EHMT1: variants seen among roughly 807,000 people sequenced by gnomAD.
EHMT1 encodes the protein histone-lysine N-methyltransferase EHMT1.
In EHMT1, 15 loss-of-function variants were observed where a neutral mutation model predicts 147.2. That is an observed-to-expected ratio of 0.10 (90% CI 0.07 to 0.16). The LOEUF is 0.16. EHMT1 is among the 10% of genes least tolerant of loss of function. EHMT1 has a pLI of 1.00. For missense variants in EHMT1, 1,587 were observed against 1,772.4 expected (o/e 0.90, Z 1.88); for synonymous variants, 795 against 709.6 (o/e 1.12, Z -1.91).
intron 10 of EHMT1, among the ~76,000 whole-genome samples, chr9:137,766,540 G>A (rs887963028): frequency 5.3e-5 from 8 of 152,214 alleles, no homozygotes; most frequent in African/African-American, 9.7e-5. Flanking sequence ...GCTTGAGCCT[G>A]GGAGGCGACG....
chr9:137,668,307 C>T (rs899360873), intron 1 of EHMT1, among the ~76,000 whole-genome samples: 11 of 151,928 alleles, frequency 7.2e-5, no homozygotes, highest in African/African-American at 2.4e-4. Flanking sequence ...TCTCCTTCCT[C>T]TCCCTTCTAT....
chr9:137,716,463 GGGA>G (rs1945287054), intron 2 of EHMT1, among the ~76,000 whole-genome samples, 160 bp from the exon 3 acceptor site: 1 of 69,448 alleles, frequency 1.4e-5, no homozygotes. Context: ...GTCATGGTGG[GGGA>G]GGAAGTTGTG....
At chr9:137,690,779 C>T (rs1451800419) in intron 1 of EHMT1, among the ~76,000 whole-genome samples, 1 of 152,122 alleles carries the variant, frequency 6.6e-6, no homozygotes, top group Non-Finnish European at 1.5e-5. Flanking sequence ...GTGATCATCA[C>T]TTGTGTATGT....
chr9:137,781,398 GGATGTGTGGTGATGATGCTGA>G (rs1564749676), intron 14 of EHMT1, among the ~76,000 whole-genome samples: 19 of 142,426 alleles, frequency 1.3e-4, no homozygotes, highest in African/African-American at 2.7e-4. Context: ...GATGACGCTG[GGATGTGTGGTGATGATGCTGA>G]GATGTGTGGT....
chr9:137,658,439 C>T (rs1420649821), intron 1 of EHMT1, among the ~76,000 whole-genome samples: 1 of 152,166 alleles, frequency 6.6e-6, no homozygotes, highest in East Asian at 1.9e-4. Context: ...GCGTGAGCCA[C>T]CGCACCCAGC....
At position 137,790,889 on chromosome 9, in the gene EHMT1, C is replaced by G. The variant is rs894182725; in HGVS notation, c.2424C>G (p.Thr808=). 8 of 1,613,994 alleles carry G rather than the reference C, an allele frequency of 5.0e-6. No individual in the cohort carries two copies. The highest frequency in any genetic ancestry group is 5.9e-6 in the Non-Finnish European group (7 of 1,180,040). The part of the protein sequence containing the change: ...NIDTCSEDQR[T]PLMEAAENNH... ...ACACCTGCTCAGAAGACCAGAGGACCCCGTTGATGGAAGCAGCCGAAAACA... is the reference window on the plus strand; with the variant it reads ...ACACCTGCTCAGAAGACCAGAGGACGCCGTTGATGGAAGCAGCCGAAAACA... Residue 808 remains threonine, a synonymous_variant, in exon 16 of 27, where the codon ACC becomes ACG. Transcript: ENST00000460843.
rs1478042601 is a variant in EHMT1, at chr9:137,732,199, TG to T, written c.823+3671del. On this transcript the variant is annotated intron_variant, in intron 4 of 26. Coordinates refer to ENST00000460843, the MANE Select transcript of EHMT1 (RefSeq NM_024757.5). This position sits in a 1 kb window ranked among gnomAD's most constrained non-coding sequence, Gnocchi z 4.6. Reference sequence around the variant, plus strand: ...CCAGCGGAGGGCAGGAGGGCTACAGTGTTACAGCTCTGGCTTGAGGAATCCC... The same window carrying T: ...CCAGCGGAGGGCAGGAGGGCTACAGTTTACAGCTCTGGCTTGAGGAATCCC... Among the ~76,000 whole-genome samples the T allele has an allele frequency of 5.3e-5, 8 of 152,160 alleles. No homozygotes were observed. Among genetic ancestry groups the T allele is most frequent in the African/African-American group, 1.9e-4 (8 of 41,452 alleles).
rs767806360 is a variant in EHMT1 at position 137,777,897 on chromosome 9, A to G, written c.2034A>G (p.Pro678=). 1 of 1,612,214 alleles carries G rather than the reference A, an allele frequency of 6.2e-7. No homozygotes were observed. The highest frequency in any genetic ancestry group is 1.7e-5 in the Admixed American group (1 of 59,910). Reference sequence around the variant, plus strand: ...TCCCCTGAAGTGCTGCCGGGCCACCACTCTCGGAGGACGACAAGCTGCAGG... The same window carrying G: ...TCCCCTGAAGTGCTGCCGGGCCACCGCTCTCGGAGGACGACAAGCTGCAGG... The part of the protein sequence containing the change: ...DTTTGSAAGP[P]LSEDDKLQGA... The change falls in exon 13 of 27, where the codon CCA becomes CCG. Residue 678 remains proline (P), a synonymous_variant. Transcript: ENST00000460843.
intron 19 of EHMT1, among the ~76,000 whole-genome samples, chr9:137,811,865 C>T (rs1954515184): frequency 6.6e-6 from 1 of 152,214 alleles, no homozygotes; most frequent in Admixed American, 6.5e-5. Flanking sequence ...GTTGGAGTCT[C>T]AGACCTGATA....
chr9:137,732,879 T>A lies in EHMT1; in HGVS notation c.823+4350T>A, dbSNP rs1014173827. Among the ~76,000 whole-genome samples the A allele has an allele frequency of 1.3e-5, 2 of 152,198 alleles. 1 individual carries two copies. The highest frequency in any genetic ancestry group is 4.1e-4 in the South Asian group (2 of 4,824). On this transcript the variant is annotated intron_variant, in intron 4 of 26. Coordinates refer to ENST00000460843, the MANE Select transcript of EHMT1 (RefSeq NM_024757.5). This position sits in a 1 kb window ranked among gnomAD's most constrained non-coding sequence, Gnocchi z 4.6. ...AGAAAGGCTGAGATTTCTTGTCACG[T>A]CTTTCTGTTAATTTTTAATTACTGT...
At position 137,798,917 on chromosome 9, in the gene EHMT1, A is replaced by G. The variant is rs1166879257; in HGVS notation, c.2607+3A>G. 2 of 1,609,482 alleles carry G rather than the reference A, an allele frequency of 1.2e-6. No individual in the cohort carries two copies. Among genetic ancestry groups the G allele is most frequent in the African/African-American group, 2.7e-5 (2 of 74,686 alleles). On this transcript the variant is annotated splice_donor_region_variant and intron_variant, in intron 17 of 26. Coordinates refer to ENST00000460843, the MANE Select transcript of EHMT1 (RefSeq NM_024757.5). ...GACAGATGGACGTCAACTGTCAGGTACAGCCACCCCCTCCCCTTAGCAGTA... is the reference window on the plus strand; with the variant it reads ...GACAGATGGACGTCAACTGTCAGGTGCAGCCACCCCCTCCCCTTAGCAGTA...
chr9:137,670,656 C>T (rs1055010441), intron 1 of EHMT1, among the ~76,000 whole-genome samples: 1 of 152,310 alleles, frequency 6.6e-6, no homozygotes, highest in Non-Finnish European at 1.5e-5. Flanking sequence ...GGGGGCAGGT[C>T]TGCAGCATAT....
At chr9:137,818,289 C>G (rs1254248288) in intron 25 of EHMT1, 151 bp downstream of exon 25, 1 of 890,330 alleles carries the variant, frequency 1.1e-6, no homozygotes, top group Non-Finnish European at 1.8e-6. Flanking sequence ...GCATTTGGAG[C>G]TGGCCTTGGT....
At chr9:137,646,228 G>C in intron 1 of EHMT1, 1 of 507,638 alleles carries the variant, frequency 2.0e-6, no homozygotes, top group Non-Finnish European at 2.5e-6. Context: ...CCAAAGTGTT[G>C]GGATTATAGG....
intron 1 of EHMT1, among the ~76,000 whole-genome samples, chr9:137,699,237 A>G (rs1943640807): frequency 6.6e-6 from 1 of 152,256 alleles, no homozygotes; most frequent in South Asian, 2.1e-4. Flanking sequence ...TCTAACATCT[A>G]ATGTAGTAAA....
At chr9:137,808,966 A>G (rs2137591212) in intron 18 of EHMT1, among the ~76,000 whole-genome samples, 1 of 152,280 alleles carries the variant, frequency 6.6e-6, no homozygotes, top group South Asian at 2.1e-4. Flanking sequence ...AAAATCATAA[A>G]TCATTCTGAT....
chr9:137,760,992 G>A (rs1327204943), intron 9 of EHMT1, among the ~76,000 whole-genome samples: 1 of 152,226 alleles, frequency 6.6e-6, no homozygotes, highest in African/African-American at 2.4e-5. Context: ...GGGCGACAGA[G>A]CGAGACTCTG....
intron 1 of EHMT1, among the ~76,000 whole-genome samples, chr9:137,704,526 T>C (rs571364579): frequency 3.1e-4 from 47 of 152,314 alleles, no homozygotes; most frequent in Admixed American, 6.5e-4. Context: ...ATGAGTTCTG[T>C]ATTTCTGTTC....
intron 1 of EHMT1, among the ~76,000 whole-genome samples, chr9:137,672,267 T>G (rs1030424531): frequency 6.6e-6 from 1 of 152,252 alleles, no homozygotes; most frequent in African/African-American, 2.4e-5. Flanking sequence ...TGTTAACGCG[T>G]AGTAGGTTTA....
Sources: allele counts gnomAD v4.1 joint callset (sites outside exome capture counted in the v4.1 genomes callset), GRCh38; gene constraint gnomAD v4.1.1; non-coding constraint Gnocchi (gnomAD v3.1); transcripts MANE v1.5; gene names NCBI Gene and HGNC (gene_info 2026-07-23, HGNC 2026-07-21).